The following ATAD3B variants were observed in gnomAD, a reference collection of about 807,000 sequenced individuals.
ATAD3B encodes ATPase family AAA domain-containing protein 3B.
ATAD3B carries 59 observed loss-of-function variants against 70.2 expected under a neutral mutation model. That is an observed-to-expected ratio of 0.84 (90% CI 0.68 to 1.04). The LOEUF (loss-of-function observed/expected upper bound fraction) is 1.04. ATAD3B is among the 50% of genes least tolerant of loss of function. The probability of loss-of-function intolerance (pLI) is 0.00; values close to 1 mark genes in which losing one functional copy is unlikely to be tolerated. For synonymous variants in ATAD3B, 423 were observed against 388.6 expected, an observed-to-expected ratio of 1.09 and a Z score of -1.04; for missense variants, 961 against 913.4, an observed-to-expected ratio of 1.05 and a Z score of -0.67.
In ATAD3B at chr1:1,490,904, G is replaced by A. The variant is rs190991059; in HGVS notation, c.1614+233G>A. Among the ~76,000 whole-genome samples the A allele has an allele frequency of 1.3e-3, 203 of 152,154 alleles. 2 individuals are homozygous for A. The highest frequency in any genetic ancestry group is 3.3e-3 in the Admixed American group (50 of 15,250). On this transcript the variant is annotated intron_variant, in intron 15 of 15. Transcript: ENST00000673477. ...CCATGTTGGTTGCTGACAGTCACAC[G>A]GGGCTCTCTGGAAGCCAGTCCAGCA...
Position 1,490,418 on chromosome 1 carries a change from G to A in ATAD3B, c.1499G>A (p.Gly500Glu), listed in dbSNP as rs1640476132. 1 of 1,613,314 alleles carries A rather than the reference G, an allele frequency of 6.2e-7. No individual in the cohort carries two copies. Among genetic ancestry groups the A allele is most frequent in the Non-Finnish European group, 8.5e-7 (1 of 1,179,674 alleles). ...TGTGTTCTTAAGCCGGCCACAGAAG[G>A]AAAACGGTGAGTGTCCCGCCTCACC... Reference protein sequence around the residue: ...DNCVLKPATEGKRRLKLAQFD... With the variant: ...DNCVLKPATEEKRRLKLAQFD... The change falls in exon 14 of 16, where the codon GGA becomes GAA. Residue 500 changes from glycine to glutamate, a missense_variant. By Grantham distance (98) the Gly-to-Glu change is moderately conservative. Transcript: ENST00000673477.
Position 1,485,846 on chromosome 1 carries a change from G to T in ATAD3B, c.963+8G>T. On this transcript the variant is annotated splice_region_variant and intron_variant, in intron 9 of 15. Transcript: ENST00000673477. Reference sequence around the variant, plus strand: ...GAGGGTGTTGTGCTTAGTGTAAGTCGGTGTGCCTGGGACCGGGGAGGTGCA... The same window carrying T: ...GAGGGTGTTGTGCTTAGTGTAAGTCTGTGTGCCTGGGACCGGGGAGGTGCA... The T allele has an allele frequency of 6.2e-7, 1 of 1,612,996 alleles. No homozygotes were observed. Among genetic ancestry groups the T allele is most frequent in the Non-Finnish European group, 8.5e-7 (1 of 1,179,522 alleles).
At chr1:1,477,784 C>A (rs1478622945) in intron 2 of ATAD3B, among the ~76,000 whole-genome samples, 1 of 150,200 alleles carries the variant, frequency 6.7e-6, no homozygotes, top group African/African-American at 2.4e-5. Context: ...CGGCTCACTG[C>A]AACCTCCGCC....
At chr1:1,482,908 G>T in intron 7 of ATAD3B, 1 of 521,256 alleles carries the variant, frequency 1.9e-6, no homozygotes, top group South Asian at 1.6e-5. Context: ...GGCTGAGGTA[G>T]GAGGATCACT....
At position 1,489,201 on chromosome 1, in the gene ATAD3B, C is replaced by T; in HGVS notation, c.1267-3C>T. The T allele has an allele frequency of 6.2e-7, 1 of 1,613,478 alleles. No homozygotes were observed. The highest frequency in any genetic ancestry group is 8.5e-7 in the Non-Finnish European group (1 of 1,179,564). ...GCCTAAGGCTGGAACCTTCTCTCTG[C>T]AGGAGGAGATAAGCAAGGACCTCAG... On this transcript the variant is annotated splice_polypyrimidine_tract_variant and splice_region_variant and intron_variant, in intron 12 of 15. Transcript: ENST00000673477.
chr1:1,499,084 G>T (rs1299903019), downstream of ATAD3B, among the ~76,000 whole-genome samples: 1 of 151,094 alleles, frequency 6.6e-6, no homozygotes, highest in Non-Finnish European at 1.5e-5. Flanking sequence ...CCATTCTCCT[G>T]CCTCAGCCTC....
intron 1 of ATAD3B, among the ~76,000 whole-genome samples, chr1:1,472,876 G>A (rs1459960312): frequency 2.0e-5 from 3 of 151,602 alleles, no homozygotes; most frequent in Admixed American, 1.3e-4. Flanking sequence ...CCCTGTCGCC[G>A]AGGCTGGAGT....
the ATAD3B span, chr1:1,509,401 C>T: frequency 1.2e-6 from 2 of 1,600,396 alleles, no homozygotes; most frequent in South Asian, 2.2e-5. Flanking sequence ...ACCCCTCCCA[C>T]CCCTGCCTTT....
chr1:1,494,142 T>A (rs1235720207), intron 15 of ATAD3B, among the ~76,000 whole-genome samples: 1 of 151,586 alleles, frequency 6.6e-6, no homozygotes, highest in Non-Finnish European at 1.5e-5. Context: ...ATGGTGAACA[T>A]CATGTGTCAC....
the ATAD3B span, among the ~76,000 whole-genome samples, chr1:1,505,257 G>T: frequency 3.3e-5 from 5 of 152,328 alleles, no homozygotes; most frequent in African/African-American, 1.2e-4. Context: ...CCGAGGCAGA[G>T]AGAGGGAGGG....
chr1:1,500,983 A>G (rs1640933714), downstream of ATAD3B, among the ~76,000 whole-genome samples: 1 of 152,142 alleles, frequency 6.6e-6, no homozygotes, highest in Admixed American at 6.6e-5. Flanking sequence ...CATACTTAGA[A>G]TTGGTATAGA....
At chr1:1,493,435 G>GTTTCT (rs373889903) in intron 15 of ATAD3B, among the ~76,000 whole-genome samples, 3 of 151,468 alleles carry the variant, frequency 2.0e-5, no homozygotes, top group Non-Finnish European at 2.9e-5. Context: ...AATTTTTTTT[G>GTTTCT]TTTCTTTTCT....
the ATAD3B span, among the ~76,000 whole-genome samples, chr1:1,507,878 G>C: frequency 1.3e-5 from 2 of 152,214 alleles, no homozygotes; most frequent in African/African-American, 4.8e-5. Flanking sequence ...GAGAGCTCCC[G>C]GGCCTGGGGC....
Position 1,490,429 on chromosome 1 carries a change from G to C in ATAD3B, c.1505+5G>C. 1 of 1,613,144 alleles carries C rather than the reference G, an allele frequency of 6.2e-7. No homozygotes were observed. Among genetic ancestry groups the C allele is most frequent in the South Asian group, 1.1e-5 (1 of 91,020 alleles). On this transcript the variant is annotated splice_donor_5th_base_variant and intron_variant, in intron 14 of 15. Coordinates refer to ENST00000673477, the MANE Select transcript of ATAD3B (RefSeq NM_031921.6). ...GCCGGCCACAGAAGGAAAACGGTGA[G>C]TGTCCCGCCTCACCCGGCCCCCAAT...
Position 1,495,502 on chromosome 1 carries a change from C to G in ATAD3B, c.1632C>G (p.Ser544=), listed in dbSNP as rs1420452277. 2 of 1,608,184 alleles carry G rather than the reference C, an allele frequency of 1.2e-6. No homozygotes were observed. The highest frequency in any genetic ancestry group is 1.7e-6 in the Non-Finnish European group (2 of 1,175,908). The change falls in exon 16 of 16, where the codon TCC becomes TCG. Residue 544 remains serine (S), a synonymous_variant. Coordinates refer to ENST00000673477, the MANE Select transcript of ATAD3B (RefSeq NM_031921.6). The part of the protein sequence containing the change: ...AVSWQATAYA[S]KDGVLTEAMM... ...TTCACTAGGCCACGGCATATGCCTC[C>G]AAGGACGGGGTCCTCACTGAGGCCA...
intron 15 of ATAD3B, among the ~76,000 whole-genome samples, chr1:1,491,720 C>G (rs1640549226): frequency 6.6e-6 from 1 of 151,894 alleles, no homozygotes; most frequent in Non-Finnish European, 1.5e-5. Context: ...TAGCCAAGTA[C>G]CTTGATTTGA....
At chr1:1,472,731 T>TA (rs1404819267) in intron 1 of ATAD3B, among the ~76,000 whole-genome samples, 10 of 152,062 alleles carry the variant, frequency 6.6e-5, no homozygotes, top group Non-Finnish European at 1.0e-4. Flanking sequence ...TAACGATTTG[T>TA]AGCACGATGC....
chr1:1,507,182 C>G, the ATAD3B span, among the ~76,000 whole-genome samples: 8 of 152,304 alleles, frequency 5.3e-5, no homozygotes, highest in African/African-American at 1.7e-4. Flanking sequence ...TCTTTTTCTT[C>G]TCTAATGGCC....
rs114150748 is a variant in ATAD3B, at chr1:1,495,312, C to T, written c.1615-173C>T. 2.6e-3 allele frequency among the ~76,000 whole-genome samples: 390 copies of T among 152,100 alleles called. 6 individuals carry two copies. The highest frequency in any genetic ancestry group is 9.0e-3 in the African/African-American group (375 of 41,494). ...AGGGCTGTGGGCACTGCAGGGGCCG[C>T]TCCCAGTGTCCACACGCGTGCTGGG... On this transcript the variant is annotated intron_variant, in intron 15 of 15. Coordinates refer to ENST00000673477, the MANE Select transcript of ATAD3B (RefSeq NM_031921.6).
Sources: allele counts gnomAD v4.1 joint callset (sites outside exome capture counted in the v4.1 genomes callset), GRCh38; gene constraint gnomAD v4.1.1; transcripts MANE v1.5; gene names NCBI Gene and HGNC (gene_info 2026-07-23, HGNC 2026-07-21).